GFRA2: variants seen among roughly 807,000 people sequenced by gnomAD.
GFRA2 encodes the protein GDNF family receptor alpha-2.
In GFRA2, 17 loss-of-function variants were observed where a neutral mutation model predicts 48.3. The observed-to-expected ratio is 0.35, with a 90% CI of 0.24 to 0.53. The LOEUF is 0.53. GFRA2 is among the 20% of genes least tolerant of loss of function. GFRA2 has a pLI of 0.93. For synonymous variants in GFRA2, 305 were observed against 257.2 expected (o/e 1.19, Z -1.78); for missense variants, 660 against 637.3 (o/e 1.04, Z -0.38).
intron 4 of GFRA2, among the ~76,000 whole-genome samples, chr8:21,728,265 G>GT (rs34490346): frequency 0.41 from 26,515 of 65,382 alleles, 9,398 homozygotes; most frequent in East Asian, 0.6. Flanking sequence ...CGGGAACCAG[G>GT]TTTTTTTTTT....
chr8:21,700,258 C>A (rs955827886), intron 7 of GFRA2, among the ~76,000 whole-genome samples: 1 of 45,496 alleles, frequency 2.2e-5, no homozygotes, highest in South Asian at 1.0e-3. Flanking sequence ...ATTTAATATA[C>A]CAGAAGGCCC....
intron 3 of GFRA2, among the ~76,000 whole-genome samples, chr8:21,769,649 GAT>G (rs1245537065): frequency 1.3e-5 from 2 of 148,720 alleles, no homozygotes; most frequent in Non-Finnish European, 3.0e-5. Flanking sequence ...CCATGTATTA[GAT>G]ACAAAGCACA....
chr8:21,805,606 A>AC (rs887216954), intron 1 of GFRA2, among the ~76,000 whole-genome samples: 6 of 152,000 alleles, frequency 3.9e-5, no homozygotes, highest in African/African-American at 1.5e-4. Context: ...GGGTCTGGTT[A>AC]CCCCCACTAC....
chr8:21,702,440 A>G (rs893542732), intron 7 of GFRA2, among the ~76,000 whole-genome samples: 1 of 152,118 alleles, frequency 6.6e-6, no homozygotes, highest in African/African-American at 2.4e-5. Context: ...GCATCCTGGC[A>G]CTGTGGAGGT....
Position 21,705,140 on chromosome 8 carries a change from A to T in GFRA2, c.905-15T>A. The T allele has an allele frequency of 6.2e-7, 1 of 1,603,802 alleles. No individual in the cohort carries two copies. Among genetic ancestry groups the T allele is most frequent in the Non-Finnish European group, 8.5e-7 (1 of 1,175,702 alleles). Reference sequence around the variant, plus strand: ...CATGTCAAACCCTGGGCAGGAAGAAAGGTGGGGGAGAGGAGAGAGGTACGG... The same window carrying T: ...CATGTCAAACCCTGGGCAGGAAGAATGGTGGGGGAGAGGAGAGAGGTACGG... On this transcript the variant is annotated splice_polypyrimidine_tract_variant and intron_variant, in intron 5 of 8. Coordinates refer to ENST00000524240, the MANE Select transcript of GFRA2 (RefSeq NM_001495.5).
chr8:21,730,943 G>T (rs1804158144), intron 4 of GFRA2, among the ~76,000 whole-genome samples: 1 of 152,140 alleles, frequency 6.6e-6, no homozygotes, highest in South Asian at 2.1e-4. Context: ...GTACCCCGAG[G>T]TTTCCACAGC....
intron 1 of GFRA2, among the ~76,000 whole-genome samples, chr8:21,785,523 C>T (rs1807226492): frequency 6.6e-6 from 1 of 152,286 alleles, no homozygotes; most frequent in Non-Finnish European, 1.5e-5. Context: ...TAGGAGAAAA[C>T]TTTGATCCAT....
At chr8:21,785,234 G>A (rs1807211780) in intron 1 of GFRA2, among the ~76,000 whole-genome samples, 1 of 152,208 alleles carries the variant, frequency 6.6e-6, no homozygotes, top group Non-Finnish European at 1.5e-5. Flanking sequence ...AGCCCCACAG[G>A]ATGATCCTTA....
chr8:21,752,335 G>T (rs1805333782), intron 3 of GFRA2, among the ~76,000 whole-genome samples: 1 of 151,838 alleles, frequency 6.6e-6, no homozygotes, highest in Non-Finnish European at 1.5e-5. Context: ...CTGGTGTTTG[G>T]CCCCACCTGT....
At position 21,717,785 on chromosome 8, in the gene GFRA2, C is replaced by A. The variant is rs545272912; in HGVS notation, c.795-11744G>T. Among the ~76,000 whole-genome samples, 14 of 152,294 alleles carry A rather than the reference C, an allele frequency of 9.2e-5. No homozygotes were observed. In the South Asian group the frequency reaches 2.5e-3, roughly 27 times the overall value. On this transcript the variant is annotated intron_variant, in intron 4 of 8. Transcript: ENST00000524240. ...TGCAGGTTGGAGAAAGAGCCTAGGG[C>A]TATCCTGGGAAATGGCCACCAAACC...
rs1805242512 is a variant in GFRA2 at position 21,750,636 on chromosome 8, G to C, written c.746C>G (p.Pro249Arg). The C allele has an allele frequency of 1.9e-6, 3 of 1,613,342 alleles. No homozygotes were observed. Among genetic ancestry groups the C allele is most frequent in the Non-Finnish European group, 2.5e-6 (3 of 1,179,658 alleles). ...PSCSYEDKEK[P>R]NCLDLRGVCR... is the part of the protein sequence containing the mutation. ...CACGCCACGCAGGTCCAGGCAGTTGGGCTTCTCCTTGTCCTCATAGGAGCA... is the reference window on the plus strand; with the variant it reads ...CACGCCACGCAGGTCCAGGCAGTTGCGCTTCTCCTTGTCCTCATAGGAGCA... The change falls in exon 4 of 9, where the codon CCC (proline) becomes CGC (arginine). Residue 249 changes from proline to arginine, a missense_variant. Physicochemically the swap from Pro to Arg is moderately radical, Grantham distance 103. Transcript: ENST00000524240. This position sits in a 1 kb window ranked among gnomAD's most constrained non-coding sequence, Gnocchi z 5.7.
chr8:21,706,137 C>G (rs987336820), intron 4 of GFRA2, 96 bp from the exon 5 acceptor site: 5 of 776,324 alleles, frequency 6.4e-6, no homozygotes, highest in Non-Finnish European at 1.1e-5. Flanking sequence ...CTCCCTGCAG[C>G]TTCCCAGGGT....
At chr8:21,748,060 C>T (rs1010523128) in intron 4 of GFRA2, among the ~76,000 whole-genome samples, 1 of 152,160 alleles carries the variant, frequency 6.6e-6, no homozygotes, top group African/African-American at 2.4e-5. Flanking sequence ...TCAGGCATCT[C>T]CAGCCCAGAC....
chr8:21,780,541 C>T (rs1806930747), intron 2 of GFRA2, among the ~76,000 whole-genome samples: 1 of 152,172 alleles, frequency 6.6e-6, no homozygotes, highest in South Asian at 2.1e-4. Flanking sequence ...CTGGTTTCTA[C>T]CTGCAGGCTC....
intron 4 of GFRA2, among the ~76,000 whole-genome samples, chr8:21,710,746 G>A (rs1802982326): frequency 1.3e-5 from 2 of 152,234 alleles, no homozygotes; most frequent in South Asian, 4.1e-4. Context: ...CAAACGGAGG[G>A]GGAGAACACA....
At chr8:21,747,197 C>T (rs1805049115) in intron 4 of GFRA2, among the ~76,000 whole-genome samples, 1 of 152,168 alleles carries the variant, frequency 6.6e-6, no homozygotes, top group Admixed American at 6.5e-5. Context: ...ATGCAGCCCC[C>T]AAGGTCATTT....
chr8:21,773,552 G>A (rs1194192393), intron 3 of GFRA2, among the ~76,000 whole-genome samples: 1 of 152,176 alleles, frequency 6.6e-6, no homozygotes, highest in Non-Finnish European at 1.5e-5. Context: ...TTCTTGGGTG[G>A]ACAAAAAGAG....
At chr8:21,739,966 G>A (rs1466929948) in intron 4 of GFRA2, among the ~76,000 whole-genome samples, 1 of 152,228 alleles carries the variant, frequency 6.6e-6, no homozygotes, top group Non-Finnish European at 1.5e-5. Context: ...AGCAGGAGAA[G>A]CTGAGTTGGT....
intron 1 of GFRA2, among the ~76,000 whole-genome samples, 161 bp downstream of exon 1, chr8:21,787,959 C>G (rs1254162560): frequency 3.3e-5 from 5 of 151,906 alleles, no homozygotes; most frequent in African/African-American, 7.2e-5. Flanking sequence ...GTCCGCGTCC[C>G]TGCCGCCCGG....
Sources: allele counts gnomAD v4.1 joint callset (sites outside exome capture counted in the v4.1 genomes callset), GRCh38; gene constraint gnomAD v4.1.1; non-coding constraint Gnocchi (gnomAD v3.1); transcripts MANE v1.5; gene names NCBI Gene and HGNC (gene_info 2026-07-23, HGNC 2026-07-21).